Variants in INTS11 observed in about 807,000 individuals in gnomAD.
The protein encoded by INTS11 is CPSF3-like protein.
A neutral mutation model predicts 78.6 loss-of-function variants in INTS11; 77 were observed. The observed-to-expected ratio is 0.98, with a 90% CI of 0.81 to 1.18. INTS11 has a LOEUF of 1.18. INTS11 is among the 50% of genes most tolerant of loss of function. The pLI is 0.00. For missense variants in INTS11, 875 were observed against 825.9 expected, an observed-to-expected ratio of 1.06 and a Z score of -0.73; for synonymous variants, 441 against 326.9, an observed-to-expected ratio of 1.35 and a Z score of -3.77.
At chr1:1,312,991 G>A (rs898785221) in intron 11 of INTS11, 42 bp from the exon 12 acceptor site, 4 of 1,611,832 alleles carry the variant, frequency 2.5e-6, no homozygotes, top group Non-Finnish European at 3.4e-6. Context: ...ACCACCAGGA[G>A]GTGCCCCTCG....
Position 1,312,701 on chromosome 1 carries a change from C to T in INTS11, c.1295-1G>A. ...TTGGCCGGCATGTAGCAGTTGACCCCTGGACCCCGGGGGAAGAGAGAGCCT... is the reference window on the plus strand; with the variant it reads ...TTGGCCGGCATGTAGCAGTTGACCCTTGGACCCCGGGGGAAGAGAGAGCCT... On this transcript the variant is annotated splice_acceptor_variant, in intron 12 of 16. Coordinates refer to ENST00000435064, the MANE Select transcript of INTS11 (RefSeq NM_017871.6). LOFTEE classifies it high-confidence loss of function. 1 of 1,592,776 alleles carries T rather than the reference C, an allele frequency of 6.3e-7. No individual in the cohort carries two copies. The highest frequency in any genetic ancestry group is 8.6e-7 in the Non-Finnish European group (1 of 1,166,536).
In INTS11 at chr1:1,321,085, G is replaced by A; in HGVS notation, c.37C>T (p.Gln13Ter). Reference protein sequence around the residue: ...EIRVTPLGAGQDVGRSCILVS... With the variant: ...EIRVTPLGAG The stretch of plus-strand genomic sequence containing the variant: ...AGGATGCAGCTTCGGCCCACGTCCT[G>A]GCCGGCCCCTACTCGAGGGAGGGCA... The change falls in exon 2 of 17, where the codon CAG becomes TAG. Residue 13 changes from glutamine (Q) to a stop codon, truncating the protein, a stop_gained. Coordinates refer to ENST00000435064, the MANE Select transcript of INTS11 (RefSeq NM_017871.6). LOFTEE classifies it high-confidence loss of function. 1 of 1,610,828 alleles carries A rather than the reference G, an allele frequency of 6.2e-7. No homozygotes were observed. Among genetic ancestry groups the A allele is most frequent in the Non-Finnish European group, 8.5e-7 (1 of 1,178,400 alleles).
rs1374484918 is a variant in INTS11, at chr1:1,315,513, C to T, written c.528+7G>A. On this transcript the variant is annotated splice_region_variant and intron_variant, in intron 5 of 16. Transcript: ENST00000435064. ...GCCCCTCCCAAGCCTCAAGCCCTTC[C>T]ACTGACCGTGTAGACCACAGACTCT... 8.1e-6 allele frequency: 13 copies of T among 1,612,842 alleles called. No homozygotes were observed. Among genetic ancestry groups the T allele is most frequent in the Non-Finnish European group, 1.1e-5 (13 of 1,179,844 alleles).
At chr1:1,319,032 G>A (rs1463548854) in intron 4 of INTS11, 4 of 716,962 alleles carry the variant, frequency 5.6e-6, no homozygotes, top group East Asian at 2.7e-5. Context: ...TTTCAATGCC[G>A]CTCGGACAGA....
chr1:1,321,921 C>G, intron 1 of INTS11: 13 of 1,343,598 alleles, frequency 9.7e-6, no homozygotes, highest in Non-Finnish European at 1.3e-5. Context: ...CCCCTGCCAG[C>G]CACTCGAAGT....
Position 1,314,314 on chromosome 1 carries a change from G to A in INTS11, c.754C>T (p.Leu252=). Residue 252 remains leucine (L), a synonymous_variant, in exon 8 of 17, where the codon CTG becomes TTG. Coordinates refer to ENST00000435064, the MANE Select transcript of INTS11 (RefSeq NM_017871.6). This position sits in a 1 kb window ranked among gnomAD's most constrained non-coding sequence, Gnocchi z 4.2. ...GGCGGCACCTACCAGAAGGTCTCCAGGAGGATGCAGAGCTCCTGGGCGCGG... is the reference window on the plus strand; with the variant it reads ...GGCGGCACCTACCAGAAGGTCTCCAAGAGGATGCAGAGCTCCTGGGCGCGG... ...LGRAQELCIL[L]ETFWERMNLK... 6.2e-7 allele frequency: 1 copy of A among 1,603,414 alleles called. No homozygotes were observed. The highest frequency in any genetic ancestry group is 8.5e-7 in the Non-Finnish European group (1 of 1,176,156).
chr1:1,321,772 C>A, intron 1 of INTS11: 1 of 575,696 alleles, frequency 1.7e-6, no homozygotes, highest in Non-Finnish European at 2.8e-6. Context: ...AGCCAGAGGC[C>A]TTGGCCAGCC....
intron 15 of INTS11, 30 bp downstream of exon 15, chr1:1,312,196 A>ACT: frequency 8.8e-7 from 1 of 1,137,626 alleles, no homozygotes; most frequent in South Asian, 2.2e-5. Context: ...GGCCCAAGGG[A>ACT]GTGGGGGGGG....
chr1:1,311,968 G>A (rs1481507838), intron 16 of INTS11, 44 bp from the exon 17 acceptor site: 1 of 1,596,444 alleles, frequency 6.3e-7, no homozygotes, highest in Non-Finnish European at 8.5e-7. Flanking sequence ...AGGACAGGGA[G>A]GAATGTTGAT....
chr1:1,314,166 C>T lies in INTS11; in HGVS notation c.767+135G>A. 1 of 897,772 alleles carries T rather than the reference C, an allele frequency of 1.1e-6. No homozygotes were observed. The highest frequency in any genetic ancestry group is 1.5e-5 in the South Asian group (1 of 68,962). The allele number at this position is 897,772 out of a possible 1,614,324, so 55.6% of individuals were successfully genotyped here. A position where few individuals can be genotyped will look rare whatever the true frequency, so the allele number is the denominator to read the frequency against. ...TCACAGGCTTCCTGGGGTCACACAG[C>T]ACACGAGCGGCCCCCCAGGACAGCA... On this transcript the variant is annotated intron_variant, in intron 8 of 16. Transcript: ENST00000435064. This position sits in a 1 kb window ranked among gnomAD's most constrained non-coding sequence, Gnocchi z 4.2.
intron 2 of INTS11, chr1:1,320,790 G>A (rs1479532169): frequency 8.4e-6 from 6 of 715,032 alleles, no homozygotes; most frequent in Admixed American, 4.0e-5. Flanking sequence ...GGACCCCGGG[G>A]CTGGGGCTCA....
chr1:1,314,309 C>G lies in INTS11; in HGVS notation c.759G>C (p.Glu253Asp). The change falls in exon 8 of 17, where the codon GAG (glutamate) becomes GAC (aspartate). Residue 253 changes from glutamate to aspartate, a missense_variant. Coordinates refer to ENST00000435064, the MANE Select transcript of INTS11 (RefSeq NM_017871.6). The surrounding 1 kb of genome is among the most constrained non-coding windows in gnomAD (Gnocchi z 4.2). ...GTCCTGGCGGCACCTACCAGAAGGT[C>G]TCCAGGAGGATGCAGAGCTCCTGGG... is the stretch of plus-strand genomic sequence containing the variant. Reference protein sequence around the residue: ...GRAQELCILLETFWERMNLKV... With the variant: ...GRAQELCILLDTFWERMNLKV... 6.2e-7 allele frequency: 1 copy of G among 1,601,356 alleles called. No homozygotes were observed. The highest frequency in any genetic ancestry group is 2.3e-5 in the East Asian group (1 of 44,268).
chr1:1,311,612 C>G lies in INTS11; in HGVS notation c.*247G>C. The G allele has an allele frequency of 2.8e-6, 2 of 715,782 alleles. No homozygotes were observed. Among genetic ancestry groups the G allele is most frequent in the South Asian group, 3.0e-5 (2 of 67,046 alleles). 44.3% of individuals were successfully genotyped at this position (715,782 alleles called of 1,614,324 possible). A position where few individuals can be genotyped will look rare whatever the true frequency, so the allele number is the denominator to read the frequency against. ...GAGTACCAAGTAGTCTTTTGTTCAG[C>G]TTTTACTGGAAACTGCTGTCTAGGA... On this transcript the variant is annotated 3_prime_UTR_variant, in exon 17 of 17. Transcript: ENST00000435064.
At chr1:1,320,260 G>C in intron 3 of INTS11, 196 bp downstream of exon 3, 2 of 596,084 alleles carry the variant, frequency 3.4e-6, no homozygotes, top group South Asian at 3.9e-5. Flanking sequence ...CAGAGGGCAG[G>C]GCCGGAAGAA....
chr1:1,318,552 G>C (rs1196272870), intron 4 of INTS11: 2 of 247,946 alleles, frequency 8.1e-6, no homozygotes, highest in Non-Finnish European at 1.5e-5. Context: ...CCAGCTACTT[G>C]GGAGGCCGAG....
chr1:1,314,877 G>A lies in INTS11; in HGVS notation c.649C>T (p.Arg217Trp), dbSNP rs370089867. The part of the protein sequence containing the change: ...ATTIRDSKRC[R>W]ERDFLKKVHE... ...ACTTTCTTCAGGAAGTCTCGCTCCC[G>A]GCAGCGCTTGGAGTCACGGATGGTC... Residue 217 changes from arginine to tryptophan, a missense_variant, in exon 7 of 17, where the codon CGG becomes TGG. Arg to Trp is a moderately radical substitution (Grantham distance 101, BLOSUM62 -3). Coordinates refer to ENST00000435064, the MANE Select transcript of INTS11 (RefSeq NM_017871.6). The surrounding 1 kb of genome is among the most constrained non-coding windows in gnomAD (Gnocchi z 4.2). 9 of 1,613,038 alleles carry A rather than the reference G, an allele frequency of 5.6e-6. No homozygotes were observed. The highest frequency in any genetic ancestry group is 1.7e-5 in the Admixed American group (1 of 60,016).
Position 1,314,089 on chromosome 1 carries a change from C to CG in INTS11, c.768-169dup. 1 of 793,870 alleles carries CG rather than the reference C, an allele frequency of 1.3e-6. No homozygotes were observed. The highest frequency in any genetic ancestry group is 2.0e-6 in the Non-Finnish European group (1 of 494,064). 49.2% of individuals were successfully genotyped at this position (793,870 alleles called of 1,614,324 possible). The stretch of plus-strand genomic sequence containing the variant: ...TAAGCCCTGCAGCAGCCGGGCTCAG[C>CG]GGAGAACCAGGAACCCCTACAAGAG... On this transcript the variant is annotated intron_variant, in intron 8 of 16. Coordinates refer to ENST00000435064, the MANE Select transcript of INTS11 (RefSeq NM_017871.6). This position sits in a 1 kb window ranked among gnomAD's most constrained non-coding sequence, Gnocchi z 4.2.
At position 1,312,623 on chromosome 1, in the gene INTS11, G is replaced by A; in HGVS notation, c.1372C>T (p.Leu458=). The change falls in exon 13 of 17, where the codon CTG becomes TTG. Residue 458 remains leucine (L), a synonymous_variant. Transcript: ENST00000435064. The stretch of plus-strand genomic sequence containing the variant: ...GCCATCTCCCGCTTCAGCAGCCCCA[G>A]CGAGATGCCTACGGGGATGCTGGGG... ...TSPSIPVGIS[L]GLLKREMAQG... 1 of 1,582,922 alleles carries A rather than the reference G, an allele frequency of 6.3e-7. No individual in the cohort carries two copies. The highest frequency in any genetic ancestry group is 8.6e-7 in the Non-Finnish European group (1 of 1,160,172).
chr1:1,315,235 A>C, intron 6 of INTS11, 169 bp downstream of exon 6: 2 of 831,098 alleles, frequency 2.4e-6, no homozygotes, highest in Non-Finnish European at 3.9e-6. Flanking sequence ...CCCTGCCTGG[A>C]CCCTGTGCCT....
Sources: allele counts gnomAD v4.1 joint callset, GRCh38; gene constraint gnomAD v4.1.1; non-coding constraint Gnocchi (gnomAD v3.1); transcripts MANE v1.5; gene names NCBI Gene and HGNC (gene_info 2026-07-23, HGNC 2026-07-21).